CCDC7: variants seen among roughly 807,000 people sequenced by gnomAD.
CCDC7 encodes the protein coiled-coil domain containing 7, also known as coiled-coil domain-containing protein 7.
Under a neutral mutation model 196.9 loss-of-function variants are expected in CCDC7, and 183 were observed. That is an observed-to-expected ratio of 0.93 (90% CI 0.82 to 1.05). The LOEUF (loss-of-function observed/expected upper bound fraction) is 1.05. CCDC7 is among the 50% of genes least tolerant of loss of function. The probability of loss-of-function intolerance (pLI) is 0.00; values close to 1 mark genes in which losing one functional copy is unlikely to be tolerated. For synonymous variants in CCDC7, 525 were observed against 484.6 expected, an observed-to-expected ratio of 1.08 and a Z score of -1.10; for missense variants, 1,540 against 1,482.2, an observed-to-expected ratio of 1.04 and a Z score of -0.64.
intron 18 of CCDC7, among the ~76,000 whole-genome samples, chr10:32,625,932 T>A (rs2063981237): frequency 6.6e-6 from 1 of 152,096 alleles, no homozygotes; most frequent in South Asian, 2.1e-4. Flanking sequence ...AGTATTCTAC[T>A]CTCTCTATGT....
rs899760609 is a variant in CCDC7, at chr10:32,461,224, T to C, written c.457-1459T>C. Among the ~76,000 whole-genome samples the C allele has an allele frequency of 3.9e-5, 6 of 152,170 alleles. 1 individual carries two copies. Among genetic ancestry groups the C allele is most frequent in the African/African-American group, 1.4e-4 (6 of 41,434 alleles). ...CCCATCATAAGTTGAATTTTTCATA[T>C]GGTGAAAGTGCATTTAATACACCTG... On this transcript the variant is annotated intron_variant, in intron 3 of 41. Transcript: ENST00000639629.
intron 15 of CCDC7, among the ~76,000 whole-genome samples, chr10:32,571,526 G>A (rs1005761347): frequency 1.3e-4 from 20 of 152,054 alleles, no homozygotes; most frequent in Non-Finnish European, 2.9e-5. Context: ...TGTGGAGCAG[G>A]CCTGCTCTGT....
chr10:32,507,311 G>GT (rs1338818209), intron 9 of CCDC7, among the ~76,000 whole-genome samples: 1 of 151,646 alleles, frequency 6.6e-6, no homozygotes, highest in Non-Finnish European at 1.5e-5. Flanking sequence ...TAAAGTTTTT[G>GT]TGAGTCTCTT....
intron 13 of CCDC7, among the ~76,000 whole-genome samples, chr10:32,557,978 C>T (rs2054638927): frequency 6.6e-6 from 1 of 152,198 alleles, no homozygotes; most frequent in Admixed American, 6.5e-5. Context: ...TAGGTGTGGG[C>T]ATGCATTTTT....
At chr10:32,452,988 A>G (rs1475216363) in intron 1 of CCDC7, among the ~76,000 whole-genome samples, 2 of 152,082 alleles carry the variant, frequency 1.3e-5, no homozygotes, top group Admixed American at 6.5e-5. Context: ...CCATCTTTCT[A>G]TTTCCCCTAA....
At chr10:32,848,819 T>TC in intron 39 of CCDC7, 101 bp downstream of exon 40, 1 of 974,600 alleles carries the variant, frequency 1.0e-6, no homozygotes, top group Non-Finnish European at 1.6e-6. Context: ...TACTTTTTTT[T>TC]CAGAAATATC....
intron 16 of CCDC7, among the ~76,000 whole-genome samples, chr10:32,572,130 T>C (rs569051854): frequency 2.0e-5 from 3 of 152,162 alleles, no homozygotes; most frequent in African/African-American, 7.2e-5. Flanking sequence ...GAAACAAACT[T>C]TTTTTTCCTG....
Position 32,822,301 on chromosome 10 carries a change from T to C in CCDC7, c.3182-2217T>C, listed in dbSNP as rs117580424. 9.7e-3 allele frequency among the ~76,000 whole-genome samples: 1,479 copies of C among 152,318 alleles called. 8 individuals are homozygous for C. The highest frequency in any genetic ancestry group is 0.034 in the Middle Eastern group (10 of 294). ...CAACTGTATAAAAAATTTATATAAT[T>C]GTATCATTGGGCATATAACATATCA... On this transcript the variant is annotated intron_variant, in intron 31 of 41. Transcript: ENST00000639629.
chr10:32,804,839 C>G (rs2085490882), intron 29 of CCDC7, among the ~76,000 whole-genome samples, 176 bp from the exon 31 acceptor site: 1 of 152,102 alleles, frequency 6.6e-6, no homozygotes, highest in South Asian at 2.1e-4. Context: ...TGATTGCTAA[C>G]AGACCTTCCA....
chr10:32,821,499 A>G (rs947294216), intron 31 of CCDC7, among the ~76,000 whole-genome samples: 29 of 152,350 alleles, frequency 1.9e-4, no homozygotes, highest in African/African-American at 5.8e-4. Context: ...GCTGCTATAA[A>G]TACACATGCA....
At chr10:32,482,033 A>T (rs925730530) in intron 8 of CCDC7, among the ~76,000 whole-genome samples, 3 of 151,826 alleles carry the variant, frequency 2.0e-5, no homozygotes, top group African/African-American at 7.2e-5. Context: ...TCTGATGTTT[A>T]TATCTTTCCC....
intron 41 of CCDC7, among the ~76,000 whole-genome samples, chr10:32,855,045 T>C (rs1019135812): frequency 4.8e-4 from 73 of 152,224 alleles, no homozygotes; most frequent in Non-Finnish European, 1.0e-4. Context: ...ATGAAATGCC[T>C]ATTTCCAAGC....
chr10:32,595,473 T>C (rs1002330335), intron 18 of CCDC7, among the ~76,000 whole-genome samples: 1 of 152,234 alleles, frequency 6.6e-6, no homozygotes, highest in Non-Finnish European at 1.5e-5. Context: ...CTATCAATTT[T>C]GTTGATCTTT....
At chr10:32,560,016 G>A (rs979162451) in intron 13 of CCDC7, among the ~76,000 whole-genome samples, 6 of 152,226 alleles carry the variant, frequency 3.9e-5, no homozygotes, top group African/African-American at 9.6e-5. Context: ...CGAGAACTAC[G>A]TGAAGAATGC....
chr10:32,685,971 T>C, exon 22 of CCDC7: 2 of 1,526,542 alleles, frequency 1.3e-6, no homozygotes, highest in East Asian at 2.3e-5. Context: ...TTTATGTAGC[T>C]CATAATGAAG....
intron 29 of CCDC7, among the ~76,000 whole-genome samples, chr10:32,791,810 G>T (rs770167952): frequency 6.6e-6 from 1 of 152,176 alleles, no homozygotes; most frequent in Non-Finnish European, 1.5e-5. Context: ...CTTATTCAGT[G>T]AATTAAATGA....
chr10:32,765,433 C>T (rs2078127417), intron 28 of CCDC7, among the ~76,000 whole-genome samples: 1 of 151,908 alleles, frequency 6.6e-6, no homozygotes, highest in Non-Finnish European at 1.5e-5. Flanking sequence ...TGAACTCATC[C>T]TCTTGTCATT....
At chr10:32,711,759 ATTATT>A (rs1164813333) in intron 25 of CCDC7, 29 bp downstream of exon 26, 4 of 1,320,952 alleles carry the variant, frequency 3.0e-6, no homozygotes, top group Middle Eastern at 4.1e-4. Context: ...GCTATTTTAT[ATTATT>A]TTAAGTAAAT....
rs373288575 is a variant in CCDC7 at position 32,625,438 on chromosome 10, A to G, written c.1802-8816A>G. 2.0e-4 allele frequency among the ~76,000 whole-genome samples: 30 copies of G among 151,330 alleles called. 1 individual carries two copies. In the East Asian group the frequency reaches 3.9e-3, roughly 19 times the overall value. ...ATTACAATACTGTTTAAATTTTTAA[A>G]TTTTATTTATTATTTATTTTATTAT... On this transcript the variant is annotated intron_variant, in intron 18 of 41. Coordinates refer to ENST00000639629, the Ensembl canonical transcript of CCDC7.
Sources: gnomAD v4.1 joint callset for allele counts (sites outside exome capture counted in the v4.1 genomes callset) on GRCh38, gnomAD v4.1.1 for gene constraint, MANE v1.5 for transcripts, NCBI Gene and HGNC (gene_info 2026-07-23, HGNC 2026-07-21) for gene names.